NFATC1: variants seen among roughly 807,000 people sequenced by gnomAD.
NFATC1 encodes nuclear factor of activated T-cells, cytoplasmic 1.
NFATC1 carries 22 observed loss-of-function variants against 76.0 expected under a neutral mutation model. That is an observed-to-expected ratio of 0.29 (90% CI 0.21 to 0.41). The LOEUF (loss-of-function observed/expected upper bound fraction) is 0.41. Among genes scored for constraint, NFATC1 ranks in the 10% least tolerant of loss-of-function variants. The pLI is 1.00. For missense variants in NFATC1, 1,357 were observed against 1,337.7 expected, an observed-to-expected ratio of 1.01 and a Z score of -0.23; for synonymous variants, 704 against 613.1, an observed-to-expected ratio of 1.15 and a Z score of -2.19.
intron 1 of NFATC1, among the ~76,000 whole-genome samples, chr18:79,397,954 A>C (rs1013708900): frequency 1.3e-5 from 2 of 152,232 alleles, no homozygotes; most frequent in African/African-American, 4.8e-5. Context: ...GGCCAGCCGG[A>C]AAGTGTGATC....
intron 6 of NFATC1, chr18:79,452,076 G>A (rs2087499787): frequency 1.4e-5 from 5 of 365,446 alleles, no homozygotes; most frequent in East Asian, 5.1e-5. Flanking sequence ...CATCGCTGCT[G>A]ATACTCAGGG....
intron 9 of NFATC1, among the ~76,000 whole-genome samples, chr18:79,522,851 C>T (rs1392262734): frequency 6.6e-6 from 1 of 152,188 alleles, no homozygotes; most frequent in Non-Finnish European, 1.5e-5. Flanking sequence ...CCATGACTTT[C>T]CTAGTAAGTA....
chr18:79,462,767 GTGTGTGTCCC>G (rs59878974), intron 7 of NFATC1, among the ~76,000 whole-genome samples: 4,400 of 151,642 alleles, frequency 0.029, 212 homozygotes, highest in African/African-American at 0.1. Flanking sequence ...GAGCTCAGCA[GTGTGTGTCCC>G]TGCGGGTCAG....
intron 9 of NFATC1, among the ~76,000 whole-genome samples, chr18:79,513,151 C>A (rs563896928): frequency 1.3e-5 from 2 of 152,354 alleles, no homozygotes; most frequent in South Asian, 4.1e-4. Flanking sequence ...CCAGAACCAC[C>A]ACCAGGCTGT....
At chr18:79,429,344 T>C (rs2086507636) in intron 2 of NFATC1, among the ~76,000 whole-genome samples, 1 of 151,976 alleles carries the variant, frequency 6.6e-6, no homozygotes, top group Admixed American at 6.5e-5. Context: ...ACCAGGTGGA[T>C]GTTGGATGCA....
intron 6 of NFATC1, among the ~76,000 whole-genome samples, chr18:79,452,923 T>TAA (rs35743668): frequency 0.017 from 2,538 of 152,362 alleles, 34 homozygotes; most frequent in Non-Finnish European, 0.026. Context: ...TCAGCCTTGA[T>TAA]AATGGGGTCT....
rs140348947 is a variant in NFATC1 at position 79,475,580 on chromosome 18, C to T, written c.2092+7998C>T. ...GTTCTCACGCTCACTGTCGACGTTG[C>T]GAGGGAAGCGTGTTCTCATGCTCAC... is the stretch of plus-strand genomic sequence containing the variant. On this transcript the variant is annotated intron_variant, in intron 8 of 9. Transcript: ENST00000427363. Among the ~76,000 whole-genome samples the T allele has an allele frequency of 2.2e-3, 308 of 141,606 alleles. 1 individual carries two copies. Among genetic ancestry groups the T allele is most frequent in the African/African-American group, 7.6e-3 (286 of 37,812 alleles). 92.9% of individuals were successfully genotyped at this position (141,606 alleles called of 152,430 possible).
At chr18:79,400,183 T>G in intron 1 of NFATC1, 1 of 1,137,580 alleles carries the variant, frequency 8.8e-7, no homozygotes, top group African/African-American at 1.7e-5. Context: ...AAAACTCGTG[T>G]CCGGGGAGTT....
intron 2 of NFATC1, among the ~76,000 whole-genome samples, chr18:79,428,361 A>T (rs2086471757): frequency 6.6e-6 from 1 of 152,176 alleles, no homozygotes; most frequent in Non-Finnish European, 1.5e-5. Flanking sequence ...AGGCCAGAAA[A>T]CTGCCTTGAT....
intron 3 of NFATC1, among the ~76,000 whole-genome samples, chr18:79,442,332 C>T (rs573123456): frequency 1.3e-5 from 2 of 152,380 alleles, no homozygotes; most frequent in African/African-American, 4.8e-5. Flanking sequence ...GGCGTCGGTC[C>T]TGCTGAGCAG....
chr18:79,498,066 T>TGG (rs11308324), intron 9 of NFATC1: 11 of 118,428 alleles, frequency 9.3e-5, no homozygotes, highest in East Asian at 6.8e-4. Context: ...TGGAGGGGGA[T>TGG]GGGGGGGGGG....
In NFATC1 at chr18:79,507,942, C is replaced by A. The variant is rs530257055; in HGVS notation, c.2783-19586C>A. On this transcript the variant is annotated intron_variant, in intron 9 of 9. Transcript: ENST00000427363. ...CCGGGCTCCCCGCAGCCGCAGTCGC[C>A]GCGTCAGGCGGAGGATCCCTGTTAT... Among the ~76,000 whole-genome samples the A allele has an allele frequency of 3.3e-5, 5 of 152,348 alleles. No homozygotes were observed. In the South Asian group the frequency reaches 1.0e-3, roughly 32 times the overall value.
chr18:79,398,156 AGGCGTCGTGGTTCCTGAAGGCCCCG>A (rs1600563724), intron 1 of NFATC1, among the ~76,000 whole-genome samples: 3 of 152,256 alleles, frequency 2.0e-5, no homozygotes, highest in Non-Finnish European at 1.5e-5. Context: ...GAAGCTCATT[AGGCGTCGTGGTTCCTGAAGGCCCCG>A]GGCTTGCTTC....
intron 9 of NFATC1, among the ~76,000 whole-genome samples, chr18:79,520,916 C>T (rs372050980): frequency 1.4e-4 from 13 of 93,936 alleles, no homozygotes; most frequent in African/African-American, 5.2e-4. Flanking sequence ...GGAGCATCCA[C>T]TGGTGTGTGT....
intron 6 of NFATC1, among the ~76,000 whole-genome samples, chr18:79,460,517 G>A (rs1025859651): frequency 6.6e-6 from 1 of 152,220 alleles, no homozygotes; most frequent in African/African-American, 2.4e-5. Flanking sequence ...TGCCAGGCCT[G>A]GAGCAGAGAG....
chr18:79,430,564 G>A (rs1405234842), intron 2 of NFATC1, among the ~76,000 whole-genome samples: 1 of 152,186 alleles, frequency 6.6e-6, no homozygotes, highest in African/African-American at 2.4e-5. Flanking sequence ...TGTATTTTTA[G>A]TGGAGACGGG....
intron 9 of NFATC1, among the ~76,000 whole-genome samples, chr18:79,514,664 T>G (rs192664981): frequency 1.8e-3 from 273 of 151,554 alleles, no homozygotes; most frequent in African/African-American, 6.3e-3. Flanking sequence ...GGCCGTTTTC[T>G]TACATAGCCA....
chr18:79,447,476 C>T (rs773366793), intron 3 of NFATC1, among the ~76,000 whole-genome samples: 6 of 152,216 alleles, frequency 3.9e-5, no homozygotes, highest in African/African-American at 2.4e-5. Context: ...GTGAGAAAAT[C>T]GACTCCAAAC....
chr18:79,498,067 G>C (rs1600932227), intron 9 of NFATC1: 2 of 16,538 alleles, frequency 1.2e-4, no homozygotes, highest in Admixed American at 1.5e-3. Flanking sequence ...GGAGGGGGAT[G>C]GGGGGGGGGG....
Sources: gnomAD v4.1 joint callset for allele counts (sites outside exome capture counted in the v4.1 genomes callset) on GRCh38, gnomAD v4.1.1 for gene constraint, MANE v1.5 for transcripts, NCBI Gene and HGNC (gene_info 2026-07-23, HGNC 2026-07-21) for gene names.